The following SUCLG2 variants were observed in gnomAD, a reference collection of about 807,000 sequenced individuals.
SUCLG2 encodes the protein succinate-CoA ligase GDP-forming subunit beta.
In SUCLG2, 42 loss-of-function variants were observed where a neutral mutation model predicts 47.9. The ratio of observed to expected loss-of-function variants is 0.88; its 90% CI spans 0.69 to 1.14. The LOEUF (loss-of-function observed/expected upper bound fraction) is 1.14, where lower values mean the gene tolerates loss of function less well. SUCLG2 is among the 50% of genes most tolerant of loss of function. The pLI is 0.00. For synonymous variants in SUCLG2, 195 were observed against 197.3 expected, an observed-to-expected ratio of 0.99 and a Z score of 0.10; for missense variants, 571 against 525.9, an observed-to-expected ratio of 1.09 and a Z score of -0.84.
chr3:67,460,661 A>T (rs973549551), intron 9 of SUCLG2, among the ~76,000 whole-genome samples: 12 of 152,256 alleles, frequency 7.9e-5, no homozygotes, highest in African/African-American at 2.9e-4. Context: ...TCACTGTAAT[A>T]TTGAATCAAT....
chr3:67,653,737 C>G (rs1364550265), intron 1 of SUCLG2, among the ~76,000 whole-genome samples: 1 of 152,188 alleles, frequency 6.6e-6, no homozygotes, highest in East Asian at 1.9e-4. Flanking sequence ...ATCACCAACT[C>G]AAAACTTTCC....
At chr3:67,481,305 C>T (rs772251998) in intron 9 of SUCLG2, among the ~76,000 whole-genome samples, 1 of 152,212 alleles carries the variant, frequency 6.6e-6, no homozygotes, top group East Asian at 1.9e-4. Flanking sequence ...ATGGGTCCAA[C>T]CACACACTTT....
At chr3:67,525,338 A>G (rs1706227491) in intron 4 of SUCLG2, among the ~76,000 whole-genome samples, 1 of 152,222 alleles carries the variant, frequency 6.6e-6, no homozygotes, top group African/African-American at 2.4e-5. Context: ...GGAAAAGAAG[A>G]ATAAAGTGAC....
chr3:67,577,694 C>G (rs1707779160), intron 2 of SUCLG2, among the ~76,000 whole-genome samples: 4 of 152,126 alleles, frequency 2.6e-5, no homozygotes, highest in Admixed American at 1.3e-4. Context: ...TCCTTTTCCT[C>G]AAATAAGGGC....
At chr3:67,636,053 T>G (rs1458141373) in intron 1 of SUCLG2, among the ~76,000 whole-genome samples, 2 of 152,202 alleles carry the variant, frequency 1.3e-5, no homozygotes, top group African/African-American at 4.8e-5. Context: ...AGATGTTCTT[T>G]TCTATTCCAC....
intron 9 of SUCLG2, among the ~76,000 whole-genome samples, chr3:67,486,822 A>G (rs1217486532): frequency 6.6e-6 from 1 of 152,222 alleles, no homozygotes; most frequent in African/African-American, 2.4e-5. Flanking sequence ...AAGCTGAAAC[A>G]AGAAGGCAGA....
intron 9 of SUCLG2, among the ~76,000 whole-genome samples, chr3:67,467,890 T>C (rs906856202): frequency 6.6e-6 from 1 of 152,164 alleles, no homozygotes; most frequent in African/African-American, 2.4e-5. Context: ...CAAGGCTTAC[T>C]CATGTTTTTA....
At chr3:67,439,684 G>C (rs1296194521) in intron 9 of SUCLG2, among the ~76,000 whole-genome samples, 1 of 152,160 alleles carries the variant, frequency 6.6e-6, no homozygotes, top group Non-Finnish European at 1.5e-5. Context: ...GGATGTGAAG[G>C]ACCTCTTCAA....
chr3:67,616,657 AACAC>A (rs1700635582), intron 1 of SUCLG2, among the ~76,000 whole-genome samples: 1 of 152,228 alleles, frequency 6.6e-6, no homozygotes, highest in African/African-American at 2.4e-5. Flanking sequence ...GCCAGGCTTT[AACAC>A]AATGGTGTAG....
intron 1 of SUCLG2, among the ~76,000 whole-genome samples, chr3:67,636,687 G>A (rs553443977): frequency 3.9e-4 from 60 of 152,022 alleles, no homozygotes; most frequent in Non-Finnish European, 8.1e-4. Flanking sequence ...TAGTAGAGAC[G>A]GGGTTTCACC....
intron 9 of SUCLG2, among the ~76,000 whole-genome samples, chr3:67,452,661 G>A (rs773715753): frequency 7.3e-5 from 11 of 151,550 alleles, no homozygotes; most frequent in Admixed American, 1.3e-4. Flanking sequence ...CCTCCTTTCC[G>A]CCCTTCCCTC....
At chr3:67,394,105 AG>A (rs1425656274) in intron 10 of SUCLG2, among the ~76,000 whole-genome samples, 2 of 152,176 alleles carry the variant, frequency 1.3e-5, no homozygotes, top group African/African-American at 4.8e-5. Flanking sequence ...AACTCTAAAA[AG>A]CAGAGCACCT....
chr3:67,423,406 T>C (rs1192465188), intron 9 of SUCLG2, among the ~76,000 whole-genome samples: 1 of 152,196 alleles, frequency 6.6e-6, no homozygotes, highest in African/African-American at 2.4e-5. Context: ...AATGGACTAA[T>C]ACACCTAGGA....
rs11127600 is a variant in SUCLG2 at position 67,368,140 on chromosome 3, T to C, written c.1184-7372A>G. 5.3e-5 allele frequency among the ~76,000 whole-genome samples: 8 copies of C among 151,980 alleles called. No homozygotes were observed. In the East Asian group the frequency reaches 1.2e-3, roughly 22 times the overall value. On this transcript the variant is annotated intron_variant, in intron 10 of 10. Transcript: ENST00000493112. ...ATTCTTGGGAAACACATTCTTCCCCTAAAATTTTTGCAGATTTGCTTCACT... is the reference window on the plus strand; with the variant it reads ...ATTCTTGGGAAACACATTCTTCCCCCAAAATTTTTGCAGATTTGCTTCACT...
chr3:67,463,564 A>T (rs1054679829), intron 9 of SUCLG2, among the ~76,000 whole-genome samples: 1 of 152,254 alleles, frequency 6.6e-6, no homozygotes, highest in African/African-American at 2.4e-5. Flanking sequence ...CCTAATTTAT[A>T]CTTTCTTAAT....
chr3:67,395,012 C>T (rs1702488770), intron 10 of SUCLG2, among the ~76,000 whole-genome samples: 1 of 151,862 alleles, frequency 6.6e-6, no homozygotes, highest in Non-Finnish European at 1.5e-5. Flanking sequence ...TAAAAGATCT[C>T]CTGAAGGAAG....
chr3:67,429,107 A>C (rs1703390576), intron 9 of SUCLG2, among the ~76,000 whole-genome samples: 1 of 152,192 alleles, frequency 6.6e-6, no homozygotes, highest in Admixed American at 6.5e-5. Flanking sequence ...AGAATGCCAC[A>C]AAGATACTCC....
At chr3:67,420,058 T>G (rs937296812) in intron 9 of SUCLG2, among the ~76,000 whole-genome samples, 7 of 152,208 alleles carry the variant, frequency 4.6e-5, no homozygotes, top group African/African-American at 1.7e-4. Flanking sequence ...CCAGTTGGCT[T>G]GATTTATTAT....
chr3:67,373,085 G>C (rs955068959), downstream of SUCLG2, among the ~76,000 whole-genome samples: 1 of 151,982 alleles, frequency 6.6e-6, no homozygotes, highest in Non-Finnish European at 1.5e-5. Flanking sequence ...TCCCCACATT[G>C]TTTCCTTCCC....
Sources: gnomAD v4.1 joint callset for allele counts (sites outside exome capture counted in the v4.1 genomes callset) on GRCh38, gnomAD v4.1.1 for gene constraint, MANE v1.5 for transcripts, NCBI Gene and HGNC (gene_info 2026-07-23, HGNC 2026-07-21) for gene names.